Variants in RSRC1 observed in about 807,000 individuals in gnomAD.
RSRC1 encodes arginine and serine rich coiled-coil 1.
RSRC1 carries 39 observed loss-of-function variants against 49.1 expected under a neutral mutation model. That is an observed-to-expected ratio of 0.79 (90% CI 0.61 to 1.04). RSRC1 has a LOEUF of 1.04. Ranked by LOEUF, RSRC1 falls within the 50% of genes least tolerant of loss-of-function variation. The pLI, the probability that RSRC1 is intolerant of heterozygous loss-of-function variation, is 0.00. For synonymous variants in RSRC1, 143 were observed against 130.8 expected, an observed-to-expected ratio of 1.09 and a Z score of -0.63; for missense variants, 388 against 402.4, an observed-to-expected ratio of 0.96 and a Z score of 0.31.
chr3:158,118,413 CTGTGTGTGTGTGTGTGTGTGTGTG>C (rs57257889), intron 1 of RSRC1, among the ~76,000 whole-genome samples: 2 of 90,068 alleles, frequency 2.2e-5, no homozygotes, highest in Non-Finnish European at 2.1e-5. Context: ...ACCTGGCCTT[CTGTGTGTGTGTGTGTGTGTGTGTG>C]TGTGTGTGTG....
chr3:158,366,986 T>C (rs1731803628), intron 6 of RSRC1, among the ~76,000 whole-genome samples: 1 of 152,208 alleles, frequency 6.6e-6, no homozygotes, highest in Admixed American at 6.5e-5. Context: ...TTTTTGCATA[T>C]TGATTTTATA....
intron 5 of RSRC1, among the ~76,000 whole-genome samples, chr3:158,304,490 C>G (rs781496153): frequency 1.3e-5 from 2 of 152,042 alleles, no homozygotes; most frequent in Non-Finnish European, 2.9e-5. Flanking sequence ...TCGTCTGTAG[C>G]ATTTTAAATA....
intron 4 of RSRC1, among the ~76,000 whole-genome samples, chr3:158,294,700 C>CA (rs1252677904): frequency 6.6e-6 from 1 of 152,086 alleles, no homozygotes; most frequent in East Asian, 1.9e-4. Context: ...CCCACACCCT[C>CA]AAAAACAGTA....
At chr3:158,355,335 T>G (rs975893468) in intron 6 of RSRC1, among the ~76,000 whole-genome samples, 3 of 151,686 alleles carry the variant, frequency 2.0e-5, no homozygotes, top group African/African-American at 7.2e-5. Context: ...ACCATAAAAC[T>G]TTATATTTTA....
chr3:158,359,745 G>A (rs762260316), intron 6 of RSRC1, among the ~76,000 whole-genome samples: 1 of 152,176 alleles, frequency 6.6e-6, no homozygotes, highest in African/African-American at 2.4e-5. Context: ...GGTGAGCAAG[G>A]AGCATGTCTC....
chr3:158,288,025 G>T (rs1370424178), intron 4 of RSRC1, among the ~76,000 whole-genome samples: 1 of 152,124 alleles, frequency 6.6e-6, no homozygotes, highest in Non-Finnish European at 1.5e-5. Flanking sequence ...TTGCCCCCTT[G>T]ATTTTTTTGT....
At chr3:158,489,052 G>C (rs139534982) in intron 7 of RSRC1, among the ~76,000 whole-genome samples, 15 of 152,218 alleles carry the variant, frequency 9.9e-5, no homozygotes, top group Non-Finnish European at 1.6e-4. Flanking sequence ...CAAGAAACAC[G>C]CTAAGTTTTA....
In RSRC1 at chr3:158,486,317, G is replaced by A. The variant is rs566335158; in HGVS notation, c.652+25314G>A. On this transcript the variant is annotated intron_variant, in intron 7 of 9. Transcript: ENST00000611884. ...AAGGGAGAGGTCATTATGGAAACTG[G>A]ATCACTGCCTTGCTATTTCATTCAC... 3.3e-5 allele frequency among the ~76,000 whole-genome samples: 5 copies of A among 152,206 alleles called. No homozygotes were observed. In the East Asian group the frequency reaches 9.7e-4, roughly 29 times the overall value.
intron 4 of RSRC1, among the ~76,000 whole-genome samples, chr3:158,286,002 T>C (rs1397259363): frequency 1.3e-5 from 2 of 152,234 alleles, no homozygotes; most frequent in Non-Finnish European, 2.9e-5. Context: ...ATTTTATAGA[T>C]CTTTACTGTG....
At chr3:158,436,580 A>G (rs530859625) in intron 6 of RSRC1, among the ~76,000 whole-genome samples, 1 of 151,960 alleles carries the variant, frequency 6.6e-6, no homozygotes, top group Non-Finnish European at 1.5e-5. Context: ...TACTTAGTAC[A>G]TATTTCCCTA....
intron 6 of RSRC1, among the ~76,000 whole-genome samples, chr3:158,412,213 TGAAAAGAAATGAGAGAGAAG>T (rs2108323332): frequency 6.6e-6 from 1 of 152,240 alleles, no homozygotes; most frequent in African/African-American, 2.4e-5. Context: ...AGATGTTTGG[TGAAAAGAAATGAGAGAGAAG>T]GAGAAAACTA....
intron 3 of RSRC1, among the ~76,000 whole-genome samples, chr3:158,135,505 C>T (rs1350590562): frequency 1.3e-5 from 2 of 150,638 alleles, no homozygotes; most frequent in African/African-American, 4.9e-5. Flanking sequence ...GTCTCAAACT[C>T]CTGACCTCAA....
intron 3 of RSRC1, among the ~76,000 whole-genome samples, chr3:158,172,804 A>C (rs1400842669): frequency 6.6e-6 from 1 of 152,160 alleles, no homozygotes; most frequent in Non-Finnish European, 1.5e-5. Flanking sequence ...TGTGAGGTTA[A>C]AACAATTTAA....
chr3:158,256,546 C>G (rs999398054), intron 4 of RSRC1, among the ~76,000 whole-genome samples: 2 of 152,114 alleles, frequency 1.3e-5, no homozygotes, highest in Admixed American at 1.3e-4. Context: ...GTTGTTGTGT[C>G]TCTGCTAGGT....
chr3:158,276,169 CA>C (rs1477119470), intron 4 of RSRC1: 1 of 904,102 alleles, frequency 1.1e-6, no homozygotes, highest in Non-Finnish European at 1.8e-6. Flanking sequence ...CCATGATGGA[CA>C]GGCTTGCCAT....
At chr3:158,138,064 T>C (rs1358836647) in intron 3 of RSRC1, among the ~76,000 whole-genome samples, 1 of 152,194 alleles carries the variant, frequency 6.6e-6, no homozygotes, top group African/African-American at 2.4e-5. Context: ...GTTGCCCAGA[T>C]ACAATTAGGG....
chr3:158,222,984 T>G (rs1202201217), intron 4 of RSRC1, among the ~76,000 whole-genome samples: 1 of 151,680 alleles, frequency 6.6e-6, no homozygotes, highest in Non-Finnish European at 1.5e-5. Context: ...TTTTCTTTAT[T>G]CCACTTCTTA....
At chr3:158,163,958 T>A (rs1424837852) in intron 3 of RSRC1, among the ~76,000 whole-genome samples, 1 of 152,142 alleles carries the variant, frequency 6.6e-6, no homozygotes, top group Non-Finnish European at 1.5e-5. Context: ...CTATAAGTCT[T>A]CATCTGTACT....
Position 158,123,980 on chromosome 3 carries a change from C to T in RSRC1, c.309C>T (p.Ser103=). 1 of 1,598,868 alleles carries T rather than the reference C, an allele frequency of 6.3e-7. No homozygotes were observed. The highest frequency in any genetic ancestry group is 8.5e-7 in the Non-Finnish European group (1 of 1,173,024). The change falls in exon 3 of 10, where the codon AGC becomes AGT. Residue 103 remains serine, a synonymous_variant. Coordinates refer to ENST00000611884, the MANE Select transcript of RSRC1 (RefSeq NM_001271838.2). ...SYRVQRSRSK[S]RTRRSRSRPR... is the part of the protein sequence containing the mutation. ...GAGTTCAGAGGTCTAGGTCAAAAAG[C>T]AGAACAAGAAGGTATGCCTTATTAA...
Sources: allele counts gnomAD v4.1 joint callset (sites outside exome capture counted in the v4.1 genomes callset), GRCh38; gene constraint gnomAD v4.1.1; transcripts MANE v1.5; gene names NCBI Gene and HGNC (gene_info 2026-07-23, HGNC 2026-07-21).